Variants in PRMT8 observed in about 807,000 individuals in gnomAD.
PRMT8 encodes the protein protein arginine N-methyltransferase 8.
PRMT8 carries 7 observed loss-of-function variants against 47.1 expected under a neutral mutation model. The observed-to-expected ratio is 0.15, with a 90% CI of 0.08 to 0.28. The LOEUF (loss-of-function observed/expected upper bound fraction) is 0.28, where lower values mean the gene tolerates loss of function less well. Ranked by LOEUF, PRMT8 falls within the 10% of genes least tolerant of loss-of-function variation. The pLI is 1.00. For missense variants in PRMT8, 237 were observed against 505.4 expected, an observed-to-expected ratio of 0.47 and a Z score of 5.09; for synonymous variants, 188 against 186.5, an observed-to-expected ratio of 1.01 and a Z score of -0.07.
intron 1 of PRMT8, among the ~76,000 whole-genome samples, chr12:3,432,508 A>G (rs1864692470): frequency 6.6e-6 from 1 of 152,218 alleles, no homozygotes; most frequent in Non-Finnish European, 1.5e-5. Context: ...ATGTGATCCC[A>G]AGGCAGTGGG....
chr12:3,429,457 A>G (rs1053137931), intron 1 of PRMT8, among the ~76,000 whole-genome samples: 2 of 152,184 alleles, frequency 1.3e-5, no homozygotes, highest in Non-Finnish European at 2.9e-5. Flanking sequence ...CCATGCTAAC[A>G]CCACACGCAC....
chr12:3,505,127 G>A (rs1865599581), intron 1 of PRMT8, among the ~76,000 whole-genome samples: 1 of 149,098 alleles, frequency 6.7e-6, no homozygotes, highest in African/African-American at 2.5e-5. Context: ...GATGAACCCG[G>A]TACCTCAGAT....
chr12:3,474,582 C>A (rs1032277418), intron 1 of PRMT8, among the ~76,000 whole-genome samples: 4 of 152,088 alleles, frequency 2.6e-5, no homozygotes, highest in Non-Finnish European at 4.4e-5. Flanking sequence ...GTGCAGACTC[C>A]ATGCTCTCCC....
chr12:3,507,234 G>C (rs1422601943), intron 1 of PRMT8, among the ~76,000 whole-genome samples: 1 of 148,964 alleles, frequency 6.7e-6, no homozygotes, highest in Admixed American at 6.9e-5. Context: ...CCATTCTCCT[G>C]CCTCAGCCTC....
intron 8 of PRMT8, among the ~76,000 whole-genome samples, chr12:3,587,541 T>C (rs74056247): frequency 0.022 from 3,308 of 152,194 alleles, 114 homozygotes; most frequent in African/African-American, 0.075. Context: ...ATGACTGAAA[T>C]GCTGCCAACA....
chr12:3,583,203 C>G lies in PRMT8; in HGVS notation c.974C>G (p.Ser325Cys), dbSNP rs1487210114. The G allele has an allele frequency of 6.2e-7, 1 of 1,610,894 alleles. No homozygotes were observed. The highest frequency in any genetic ancestry group is 8.5e-7 in the Non-Finnish European group (1 of 1,178,480). Residue 325 changes from serine (S) to cysteine (C), a missense_variant, in exon 8 of 10, where the codon TCC (serine) becomes TGC (cysteine). Around this residue, in one of 5 missense-constraint regions of PRMT8, gnomAD observed 151 missense variants for 341.1 expected, o/e 0.44. Coordinates refer to ENST00000382622, the MANE Select transcript of PRMT8 (RefSeq NM_019854.5). The surrounding 1 kb of genome is among the most constrained non-coding windows in gnomAD (Gnocchi z 4.7). ...AAGTGCCACAAGAAAATGGGGTTTT[C>G]CACAGGTGAGCTGTTTGTTGCTTCC... ...FTKCHKKMGFSTAPDAPYTHW... is the reference protein window; with the variant it reads ...FTKCHKKMGFCTAPDAPYTHW...
upstream of PRMT8, among the ~76,000 whole-genome samples, chr12:3,486,317 C>G (rs937734113): frequency 5.9e-5 from 9 of 151,862 alleles, no homozygotes; most frequent in Non-Finnish European, 1.0e-4. Flanking sequence ...AGAACCAATG[C>G]ATAAGACCCC....
At chr12:3,520,890 G>A (rs1865870946) in intron 1 of PRMT8, among the ~76,000 whole-genome samples, 2 of 152,210 alleles carry the variant, frequency 1.3e-5, no homozygotes, top group Admixed American at 6.5e-5. Flanking sequence ...GATTTGGTAT[G>A]TGGGGAACTG....
At chr12:3,534,982 A>G (rs1866093056) in intron 1 of PRMT8, among the ~76,000 whole-genome samples, 2 of 152,240 alleles carry the variant, frequency 1.3e-5, no homozygotes, top group African/African-American at 4.8e-5. Context: ...GATGGTGTCT[A>G]TCTATAAAGT....
At chr12:3,439,762 CCA>C (rs1428193425) in intron 1 of PRMT8, among the ~76,000 whole-genome samples, 1 of 152,158 alleles carries the variant, frequency 6.6e-6, no homozygotes, top group African/African-American at 2.4e-5. Context: ...CTAACGGGAA[CCA>C]CAGAGTGCCT....
rs762483738 is a variant in PRMT8 at position 3,593,155 on chromosome 12, T to G, written c.1158T>G (p.Ser386=). 2.5e-6 allele frequency: 4 copies of G among 1,614,144 alleles called. No individual in the cohort carries two copies. In the East Asian group the frequency reaches 6.7e-5, roughly 27 times the overall value. ...TTAAGGGACAGCTGTGTGAAACATC[T>G]GTATCTAATGACTACAAAATGCGTT... The part of the protein sequence containing the change: ...LDFKGQLCET[S]VSNDYKMR The change falls in exon 10 of 10, where the codon TCT becomes TCG. Residue 386 remains serine (S), a synonymous_variant. Coordinates refer to ENST00000382622, the MANE Select transcript of PRMT8 (RefSeq NM_019854.5). This position sits in a 1 kb window ranked among gnomAD's most constrained non-coding sequence, Gnocchi z 4.8.
chr12:3,419,807 G>A (rs779407356), intron 1 of PRMT8, among the ~76,000 whole-genome samples: 24 of 151,848 alleles, frequency 1.6e-4, no homozygotes, highest in South Asian at 2.1e-4. Context: ...CACAAGGCTC[G>A]CATCCTTTCT....
At chr12:3,520,768 C>G (rs537195100) in intron 1 of PRMT8, among the ~76,000 whole-genome samples, 4 of 152,306 alleles carry the variant, frequency 2.6e-5, no homozygotes, top group Admixed American at 2.6e-4. Flanking sequence ...CCCTGAAGCT[C>G]CTATAAGGCC....
At chr12:3,484,853 A>C (rs1865307083) in intron 1 of PRMT8, among the ~76,000 whole-genome samples, 1 of 152,228 alleles carries the variant, frequency 6.6e-6, no homozygotes, top group Non-Finnish European at 1.5e-5. Context: ...GCAAGTCTGA[A>C]TACAGAAAAT....
At chr12:3,558,508 G>A (rs1866567374) in intron 4 of PRMT8, among the ~76,000 whole-genome samples, 2 of 152,160 alleles carry the variant, frequency 1.3e-5, no homozygotes, top group South Asian at 2.1e-4. Flanking sequence ...TTTGTCAATT[G>A]TCTGAGTAAC....
intron 4 of PRMT8, among the ~76,000 whole-genome samples, chr12:3,567,986 C>T (rs763600677): frequency 3.2e-4 from 49 of 151,638 alleles, no homozygotes; most frequent in African/African-American, 6.1e-4. Context: ...GCAGGAGAAT[C>T]GCTTGAACCT....
intron 1 of PRMT8, among the ~76,000 whole-genome samples, chr12:3,383,736 C>G (rs1042596842): frequency 1.3e-5 from 2 of 152,194 alleles, no homozygotes; most frequent in Admixed American, 1.3e-4. Context: ...TTTACCCGCT[C>G]TAGGGCATTT....
At chr12:3,581,885 G>A (rs955490387) in intron 7 of PRMT8, among the ~76,000 whole-genome samples, 4 of 152,174 alleles carry the variant, frequency 2.6e-5, no homozygotes, top group Admixed American at 6.5e-5. Context: ...GATAGTTTGC[G>A]TCTGTTTTTC....
intron 6 of PRMT8, among the ~76,000 whole-genome samples, chr12:3,571,574 A>G (rs1866846725): frequency 6.6e-6 from 1 of 152,060 alleles, no homozygotes; most frequent in Non-Finnish European, 1.5e-5. Flanking sequence ...ACTGGAGATC[A>G]TGTGATTTCT....
Sources: gnomAD v4.1 joint callset for allele counts (sites outside exome capture counted in the v4.1 genomes callset) on GRCh38, gnomAD v4.1.1 for gene constraint, gnomAD v4.1.1 regional missense constraint, Gnocchi (gnomAD v3.1) non-coding constraint, MANE v1.5 for transcripts, NCBI Gene and HGNC (gene_info 2026-07-23, HGNC 2026-07-21) for gene names.